The following CPD variants were observed in gnomAD, a reference collection of about 807,000 sequenced individuals.
CPD encodes the protein carboxypeptidase D.
In CPD, 69 loss-of-function variants were observed where a neutral mutation model predicts 138.3. The ratio of observed to expected loss-of-function variants is 0.50; its 90% CI spans 0.41 to 0.61. CPD has a LOEUF of 0.61. CPD is among the 20% of genes least tolerant of loss of function. CPD has a pLI of 0.00. For missense variants in CPD, 1,432 were observed against 1,733.3 expected, an observed-to-expected ratio of 0.83 and a Z score of 3.09; for synonymous variants, 651 against 642.1, an observed-to-expected ratio of 1.01 and a Z score of -0.21.
intron 17 of CPD, among the ~76,000 whole-genome samples, chr17:30,459,149 T>TTG (rs1401945634): frequency 7.0e-6 from 1 of 142,122 alleles, no homozygotes; most frequent in Admixed American, 7.0e-5. Context: ...AGTATCACTT[T>TTG]TTTTTTTTTT....
intron 1 of CPD, chr17:30,380,278 G>A (rs766505717): frequency 4.9e-5 from 9 of 184,906 alleles, no homozygotes; most frequent in Admixed American, 1.2e-4. Context: ...ATTCCCGATA[G>A]TCCTCTTAGC....
At chr17:30,421,903 A>G (rs1912278347) in intron 4 of CPD, 70 bp downstream of exon 4, 1 of 1,174,354 alleles carries the variant, frequency 8.5e-7, no homozygotes. Context: ...AGACAGAAAT[A>G]TAGTCTAGTA....
chr17:30,381,324 A>G (rs1911039974), intron 1 of CPD, among the ~76,000 whole-genome samples: 2 of 152,102 alleles, frequency 1.3e-5, no homozygotes, highest in Admixed American at 6.5e-5. Flanking sequence ...TGCACCTTTA[A>G]AATGCTGTGA....
rs1453867722 is a variant in CPD, at chr17:30,465,041, G to C, written c.*227G>C. 8 of 480,746 alleles carry C rather than the reference G, an allele frequency of 1.7e-5. No homozygotes were observed. In the East Asian group the frequency reaches 2.5e-4, roughly 15 times the overall value. 29.8% of individuals were successfully genotyped at this position (480,746 alleles called of 1,614,324 possible). On this transcript the variant is annotated 3_prime_UTR_variant, in exon 21 of 21. Coordinates refer to ENST00000225719, the MANE Select transcript of CPD (RefSeq NM_001304.5). ...AATCTGATTTATGCAGCAGAGATGGGACAGCCACTTTTTCTTTTTAATTTA... is the reference window on the plus strand; with the variant it reads ...AATCTGATTTATGCAGCAGAGATGGCACAGCCACTTTTTCTTTTTAATTTA...
intron 12 of CPD, among the ~76,000 whole-genome samples, chr17:30,447,219 C>T (rs759598438): frequency 1.4e-4 from 22 of 152,114 alleles, no homozygotes; most frequent in Non-Finnish European, 2.6e-4. Context: ...GTTGCCATTG[C>T]TATTGGTGTT....
In CPD at chr17:30,379,081, T is replaced by A; in HGVS notation, c.101T>A (p.Ile34Asn). The A allele has an allele frequency of 1.3e-6, 2 of 1,560,248 alleles. No individual in the cohort carries two copies. Among genetic ancestry groups the A allele is most frequent in the Non-Finnish European group, 1.7e-6 (2 of 1,159,102 alleles). Residue 34 changes from isoleucine to asparagine, a missense_variant, in exon 1 of 21, where the codon ATC (isoleucine) becomes AAC (asparagine). Physicochemically the swap from Ile to Asn is moderately radical, Grantham distance 149. Transcript: ENST00000225719. This position sits in a 1 kb window ranked among gnomAD's most constrained non-coding sequence, Gnocchi z 7.0. ...LLGSSARAAHIKKAEATTTTT... is the reference protein window; with the variant it reads ...LLGSSARAAHNKKAEATTTTT... ...GGGAGCTCGGCCCGGGCGGCTCACATCAAGAAGGCGGAGGCGACTACCACA... is the reference window on the plus strand; with the variant it reads ...GGGAGCTCGGCCCGGGCGGCTCACAACAAGAAGGCGGAGGCGACTACCACA...
At chr17:30,447,982 CCTTTTTA>C (rs1261532590) in intron 12 of CPD, among the ~76,000 whole-genome samples, 1 of 152,180 alleles carries the variant, frequency 6.6e-6, no homozygotes, top group Non-Finnish European at 1.5e-5. Context: ...TAGCCTTTTA[CCTTTTTA>C]CTTTGTCTTT....
chr17:30,439,199 A>G (rs928781465), intron 9 of CPD, 122 bp downstream of exon 9: 6 of 562,340 alleles, frequency 1.1e-5, no homozygotes, highest in Non-Finnish European at 1.9e-5. Context: ...CATGGTTTAA[A>G]TAGTTTAAAA....
At position 30,442,292 on chromosome 17, in the gene CPD, AATTTTT is replaced by A; in HGVS notation, c.2231-13_2231-8del. 2 of 1,608,872 alleles carry A rather than the reference AATTTTT, an allele frequency of 1.2e-6. No individual in the cohort carries two copies. Among genetic ancestry groups the A allele is most frequent in the Non-Finnish European group, 1.7e-6 (2 of 1,176,492 alleles). On this transcript the variant is annotated splice_polypyrimidine_tract_variant and intron_variant, in intron 9 of 20. Transcript: ENST00000225719. Reference sequence around the variant, plus strand: ...GAACTTCTTCAGAGTGACTAATTTTAATTTTTATCTTTTAGGAGGAATGCAGGACTG... The same window carrying A: ...GAACTTCTTCAGAGTGACTAATTTTAATCTTTTAGGAGGAATGCAGGACTG...
chr17:30,416,835 G>C (rs1278762301), intron 2 of CPD, among the ~76,000 whole-genome samples: 1 of 152,118 alleles, frequency 6.6e-6, no homozygotes, highest in African/African-American at 2.4e-5. Context: ...GGGCGCGGTG[G>C]CTCACGCCTG....
At chr17:30,392,166 C>T (rs1232908674) in intron 2 of CPD, among the ~76,000 whole-genome samples, 1 of 151,972 alleles carries the variant, frequency 6.6e-6, no homozygotes, top group Admixed American at 6.6e-5. Context: ...TGCACCACTA[C>T]GCCTGGCTAA....
At position 30,469,605 on chromosome 17, in the gene CPD, TC is replaced by T. The variant is rs1913732615; in HGVS notation, c.*4792del. The T allele has an allele frequency of 1.3e-5, 2 of 152,338 alleles. No homozygotes were observed. The highest frequency in any genetic ancestry group is 2.9e-5 in the Non-Finnish European group (2 of 68,028). The allele number at this position is 152,338 out of a possible 1,614,324, so 9.4% of individuals were successfully genotyped here. ...TAAATAAAGATCTGTTTATAGGTGATCTTTTTAATTTAGAAGAAATTCTGAG... is the reference window on the plus strand; with the variant it reads ...TAAATAAAGATCTGTTTATAGGTGATTTTTTAATTTAGAAGAAATTCTGAG... On this transcript the variant is annotated 3_prime_UTR_variant, in exon 21 of 21. Transcript: ENST00000225719.
Position 30,392,377 on chromosome 17 carries a change from C to G in CPD, c.994+7141C>G, listed in dbSNP as rs186001757. On this transcript the variant is annotated intron_variant, in intron 2 of 20. Coordinates refer to ENST00000225719, the MANE Select transcript of CPD (RefSeq NM_001304.5). ...AATATTCTTCCTAGTTTTGCTCCTA[C>G]TCTGAGTAAATAAGCTTGCCTTACT... Among the ~76,000 whole-genome samples, 532 of 152,246 alleles carry G rather than the reference C, an allele frequency of 3.5e-3. 2 individuals are homozygous for G. Among genetic ancestry groups the G allele is most frequent in the South Asian group, 8.5e-3 (41 of 4,818 alleles).
At position 30,445,740 on chromosome 17, in the gene CPD, C is replaced by G; in HGVS notation, c.2593C>G (p.Gln865Glu). The G allele has an allele frequency of 6.2e-7, 1 of 1,613,324 alleles. No homozygotes were observed. Reference sequence around the variant, plus strand: ...GACTGTCAAGAGTGAAGGCGCTATTCAGGTCAACTTCACACTTGTTCGATC... The same window carrying G: ...GACTGTCAAGAGTGAAGGCGCTATTGAGGTCAACTTCACACTTGTTCGATC... The part of the protein sequence containing the change: ...NVTVKSEGAI[Q>E]VNFTLVRSST... Residue 865 changes from glutamine to glutamate, a missense_variant, in exon 12 of 21, where the codon CAG becomes GAG. Gln to Glu is a conservative substitution (Grantham distance 29, BLOSUM62 2). Coordinates refer to ENST00000225719, the MANE Select transcript of CPD (RefSeq NM_001304.5).
chr17:30,453,128 C>T (rs1913207980), intron 14 of CPD, among the ~76,000 whole-genome samples: 1 of 152,164 alleles, frequency 6.6e-6, no homozygotes, highest in Non-Finnish European at 1.5e-5. Flanking sequence ...CTCATGTCCT[C>T]ACATTTCAAA....
intron 3 of CPD, 41 bp downstream of exon 3, chr17:30,421,024 A>G: frequency 6.3e-7 from 1 of 1,596,784 alleles, no homozygotes; most frequent in Non-Finnish European, 8.6e-7. Flanking sequence ...TAGAAACAGG[A>G]TTAAATAAGG....
chr17:30,383,116 ATTTAC>A (rs1333167507), intron 1 of CPD, among the ~76,000 whole-genome samples: 4 of 152,108 alleles, frequency 2.6e-5, no homozygotes, highest in African/African-American at 9.7e-5. Context: ...AAGTTAGAAT[ATTTAC>A]TTAGTTTTTG....
intron 2 of CPD, among the ~76,000 whole-genome samples, chr17:30,412,843 G>T (rs1290129823): frequency 6.6e-6 from 1 of 152,166 alleles, no homozygotes; most frequent in Non-Finnish European, 1.5e-5. Context: ...CCCAGTTGAG[G>T]TGACGCCCTG....
At chr17:30,401,462 C>CTCT (rs557066211) in intron 2 of CPD, among the ~76,000 whole-genome samples, 3 of 142,834 alleles carry the variant, frequency 2.1e-5, no homozygotes, top group South Asian at 2.2e-4. Flanking sequence ...CTTCTTCTTC[C>CTCT]TCTTCTTCTT....
Sources: gnomAD v4.1 joint callset for allele counts (sites outside exome capture counted in the v4.1 genomes callset) on GRCh38, gnomAD v4.1.1 for gene constraint, Gnocchi (gnomAD v3.1) non-coding constraint, MANE v1.5 for transcripts, NCBI Gene and HGNC (gene_info 2026-07-23, HGNC 2026-07-21) for gene names.